BTBD9: variants seen among roughly 807,000 people sequenced by gnomAD.
The protein encoded by BTBD9 is BTB domain containing 9.
In BTBD9, 49 loss-of-function variants were observed where a neutral mutation model predicts 64.3. The observed-to-expected ratio is 0.76, with a 90% CI of 0.61 to 0.97. The LOEUF (loss-of-function observed/expected upper bound fraction) is 0.97, where lower values mean the gene tolerates loss of function less well. BTBD9 is among the 50% of genes least tolerant of loss of function. The pLI, the probability that BTBD9 is intolerant of heterozygous loss-of-function variation, is 0.00. For missense variants in BTBD9, 598 were observed against 762.1 expected, an observed-to-expected ratio of 0.78 and a Z score of 2.53; for synonymous variants, 260 against 274.7, an observed-to-expected ratio of 0.95 and a Z score of 0.53.
chr6:38,406,978 C>T (rs546809411), intron 6 of BTBD9, among the ~76,000 whole-genome samples: 1 of 152,322 alleles, frequency 6.6e-6, no homozygotes, highest in African/African-American at 2.4e-5. Context: ...AGAACCAGGT[C>T]TGGAAGTGAA....
intron 2 of BTBD9, among the ~76,000 whole-genome samples, chr6:38,597,231 A>G: frequency 6.6e-6 from 1 of 152,216 alleles, no homozygotes; most frequent in East Asian, 1.9e-4. Context: ...CTCTAATCCA[A>G]TGGAATCTCC....
At chr6:38,356,354 A>G (rs1018270094) in intron 6 of BTBD9, among the ~76,000 whole-genome samples, 1 of 151,950 alleles carries the variant, frequency 6.6e-6, no homozygotes, top group African/African-American at 2.4e-5. Flanking sequence ...TCAGTATTGG[A>G]CTTCCTCATC....
chr6:38,229,573 T>C (rs979754672), intron 9 of BTBD9, among the ~76,000 whole-genome samples: 2 of 152,176 alleles, frequency 1.3e-5, no homozygotes, highest in Admixed American at 1.3e-4. Context: ...GAAGGTCATA[T>C]GGATATATGA....
chr6:38,192,996 G>A (rs898164527), intron 9 of BTBD9, among the ~76,000 whole-genome samples: 7 of 152,002 alleles, frequency 4.6e-5, no homozygotes, highest in Non-Finnish European at 8.8e-5. Context: ...CATGGCACAT[G>A]TATGCATATG....
At chr6:38,342,164 ATAAC>A (rs1176843294) in intron 7 of BTBD9, among the ~76,000 whole-genome samples, 1 of 152,170 alleles carries the variant, frequency 6.6e-6, no homozygotes, top group Non-Finnish European at 1.5e-5. Flanking sequence ...GGCCTAGAGA[ATAAC>A]TAAAGGAGCC....
At chr6:38,372,680 G>A (rs1765474180) in intron 6 of BTBD9, among the ~76,000 whole-genome samples, 1 of 152,162 alleles carries the variant, frequency 6.6e-6, no homozygotes, top group Non-Finnish European at 1.5e-5. Flanking sequence ...GAAGGTCCTA[G>A]AATGGCTGTT....
At chr6:38,247,194 G>C (rs149115176) in intron 9 of BTBD9, among the ~76,000 whole-genome samples, 127 of 151,790 alleles carry the variant, frequency 8.4e-4, no homozygotes, top group African/African-American at 2.8e-3. Flanking sequence ...ATTGTCTCTA[G>C]ATTTAAATGT....
chr6:38,220,103 A>G (rs1050172574), intron 9 of BTBD9, among the ~76,000 whole-genome samples: 17 of 152,172 alleles, frequency 1.1e-4, no homozygotes, highest in African/African-American at 4.1e-4. Flanking sequence ...GGCTGGTGGC[A>G]ATGGAGGTGG....
At chr6:38,638,069 T>C (rs1408224827) in intron 1 of BTBD9, among the ~76,000 whole-genome samples, 1 of 152,174 alleles carries the variant, frequency 6.6e-6, no homozygotes, top group African/African-American at 2.4e-5. Context: ...CAAATTCACA[T>C]TATTATTTTC....
chr6:38,335,790 G>A (rs1186312753), intron 7 of BTBD9, among the ~76,000 whole-genome samples: 1 of 152,102 alleles, frequency 6.6e-6, no homozygotes, highest in Non-Finnish European at 1.5e-5. Context: ...CTGGAGTGCA[G>A]TGGCACAATC....
chr6:38,180,312 G>A (rs568052719), intron 10 of BTBD9, among the ~76,000 whole-genome samples: 3 of 152,360 alleles, frequency 2.0e-5, no homozygotes, highest in East Asian at 1.9e-4. Flanking sequence ...GGGGCTGGGC[G>A]TGAAGCTGCC....
At chr6:38,369,998 T>C (rs1765353888) in intron 6 of BTBD9, among the ~76,000 whole-genome samples, 1 of 152,198 alleles carries the variant, frequency 6.6e-6, no homozygotes, top group Non-Finnish European at 1.5e-5. Flanking sequence ...TAACATCAGC[T>C]CGTGAGCGCT....
intron 7 of BTBD9, among the ~76,000 whole-genome samples, chr6:38,293,881 G>A (rs2127558811): frequency 6.6e-6 from 1 of 152,144 alleles, no homozygotes; most frequent in Non-Finnish European, 1.5e-5. Context: ...GAGTGAACAG[G>A]CAACCTACAG....
chr6:38,318,287 GGTT>G (rs1363820879), intron 7 of BTBD9, among the ~76,000 whole-genome samples: 1 of 152,160 alleles, frequency 6.6e-6, no homozygotes, highest in Non-Finnish European at 1.5e-5. Context: ...CGTCTGGTGA[GGTT>G]GTTTTCCTGA....
intron 6 of BTBD9, among the ~76,000 whole-genome samples, chr6:38,396,044 C>T (rs1171004905): frequency 1.3e-5 from 2 of 152,078 alleles, no homozygotes; most frequent in Non-Finnish European, 1.5e-5. Flanking sequence ...TGATCTGTTA[C>T]ACAGCAATAT....
rs771371697 is a variant in BTBD9, at chr6:38,174,998, C to T, written c.1826G>A (p.Arg609Gln). 49 of 1,613,780 alleles carry T rather than the reference C, an allele frequency of 3.0e-5. No homozygotes were observed. The highest frequency in any genetic ancestry group is 4.1e-5 in the Non-Finnish European group (48 of 1,180,044). Residue 609 changes from arginine to glutamine, a missense_variant, in exon 11 of 11, where the codon CGG (arginine) becomes CAG (glutamine). Transcript: ENST00000481247. ...CCGCTGCCTCCTTTATTGGTGCTGCCGGTTGGGGGAGCGTGAGTTGGAGCC... is the reference window on the plus strand; with the variant it reads ...CCGCTGCCTCCTTTATTGGTGCTGCTGGTTGGGGGAGCGTGAGTTGGAGCC... ...SPGSNSRSPN[R>Q]QHQ is the part of the protein sequence containing the mutation.
chr6:38,439,722 T>A (rs549683663), intron 6 of BTBD9, among the ~76,000 whole-genome samples: 6 of 152,248 alleles, frequency 3.9e-5, no homozygotes, highest in Admixed American at 2.0e-4. Context: ...CCACCACACC[T>A]GGCCGCAACT....
chr6:38,601,336 C>T (rs79399201), intron 1 of BTBD9, among the ~76,000 whole-genome samples: 1 of 152,136 alleles, frequency 6.6e-6, no homozygotes, highest in Non-Finnish European at 1.5e-5. Context: ...CACAGCTTTA[C>T]GCAGAAAATG....
Position 38,288,422 on chromosome 6 carries a change from C to T in BTBD9, c.1304G>A (p.Ser435Asn). Residue 435 changes from serine to asparagine, a missense_variant, in exon 8 of 11, where the codon AGT (serine) becomes AAT (asparagine). Ser to Asn is a conservative substitution (Grantham distance 46). Transcript: ENST00000481247. ...ENVATIADCA[S>N]VIEGVSRSRN... The stretch of plus-strand genomic sequence containing the variant: ...GCTCCGACTGACTCCTTCAATCACA[C>T]TGGCACAATCAGCAATTGTTGCAAC... 1 of 1,614,068 alleles carries T rather than the reference C, an allele frequency of 6.2e-7. No individual in the cohort carries two copies. Among genetic ancestry groups the T allele is most frequent in the South Asian group, 1.1e-5 (1 of 91,076 alleles).
Sources: allele counts gnomAD v4.1 joint callset (sites outside exome capture counted in the v4.1 genomes callset), GRCh38; gene constraint gnomAD v4.1.1; transcripts MANE v1.5; gene names NCBI Gene and HGNC (gene_info 2026-07-23, HGNC 2026-07-21).